Variants in IGDCC4 observed in about 807,000 individuals in gnomAD.
IGDCC4 encodes the protein immunoglobulin superfamily DCC subclass member 4.
Under a neutral mutation model 116.6 loss-of-function variants are expected in IGDCC4, and 72 were observed. The ratio of observed to expected loss-of-function variants is 0.62; its 90% CI spans 0.51 to 0.75. IGDCC4 has a LOEUF of 0.75. Ranked by LOEUF, IGDCC4 falls within the 30% of genes least tolerant of loss-of-function variation. The pLI, the probability that IGDCC4 is intolerant of heterozygous loss-of-function variation, is 0.00. For missense variants in IGDCC4, 1,501 were observed against 1,662.4 expected (o/e 0.90, Z 1.69); for synonymous variants, 709 against 719.9 (o/e 0.98, Z 0.24).
rs1273024660 is a variant in IGDCC4, at chr15:65,393,791, C to T, written c.1715-260G>A. On this transcript the variant is annotated intron_variant, in intron 9 of 19. Coordinates refer to ENST00000352385, the MANE Select transcript of IGDCC4 (RefSeq NM_020962.3). The surrounding 1 kb of genome is among the most constrained non-coding windows in gnomAD (Gnocchi z 4.6). ...TGATGGCAGGCTTTCCCCACTTCCCCAGGAGCTGTCAATGACCATCCCCTG... is the reference window on the plus strand; with the variant it reads ...TGATGGCAGGCTTTCCCCACTTCCCTAGGAGCTGTCAATGACCATCCCCTG... Among the ~76,000 whole-genome samples, 3 of 152,138 alleles carry T rather than the reference C, an allele frequency of 2.0e-5. No individual in the cohort carries two copies. The highest frequency in any genetic ancestry group is 7.2e-5 in the African/African-American group (3 of 41,432).
rs146873120 is a variant in IGDCC4 at position 65,414,605 on chromosome 15, A to G, written c.71-3235T>C. Among the ~76,000 whole-genome samples the G allele has an allele frequency of 2.4e-4, 36 of 152,350 alleles. No individual in the cohort carries two copies. The East Asian group carries it at 5.6e-3, about 24-fold the overall frequency. On this transcript the variant is annotated intron_variant, in intron 1 of 19. Transcript: ENST00000352385. ...ACAATGTATGTCAGGGCTACAGCCCAGAGCCTAATAGACATCACTCAAGGA... is the reference window on the plus strand; with the variant it reads ...ACAATGTATGTCAGGGCTACAGCCCGGAGCCTAATAGACATCACTCAAGGA...
rs2062890636 is a variant in IGDCC4 at position 65,393,733 on chromosome 15, A to G, written c.1715-202T>C. 6.6e-6 allele frequency among the ~76,000 whole-genome samples: 1 copy of G among 152,188 alleles called. No individual in the cohort carries two copies. On this transcript the variant is annotated intron_variant, in intron 9 of 19. Coordinates refer to ENST00000352385, the MANE Select transcript of IGDCC4 (RefSeq NM_020962.3). The surrounding 1 kb of genome is among the most constrained non-coding windows in gnomAD (Gnocchi z 4.6). ...TTGAGCCTCCAACTCTGGCTGATGC[A>G]GGCCATCAGCCTGGGCTCAGCTGCA...
At chr15:65,388,341 C>G in intron 16 of IGDCC4, 108 bp downstream of exon 16, 1 of 1,474,490 alleles carries the variant, frequency 6.8e-7, no homozygotes, top group Non-Finnish European at 9.3e-7. Context: ...TGCTCTGCCC[C>G]CACCAAACCT....
At chr15:65,392,057 T>C in intron 11 of IGDCC4, 76 bp from the exon 12 acceptor site, 1 of 1,545,814 alleles carries the variant, frequency 6.5e-7, no homozygotes, top group Non-Finnish European at 8.8e-7. Flanking sequence ...GCATCCCATC[T>C]CTAACTTCTT....
chr15:65,420,363 A>G (rs536649273), intron 1 of IGDCC4, among the ~76,000 whole-genome samples: 1 of 152,292 alleles, frequency 6.6e-6, no homozygotes, highest in Non-Finnish European at 1.5e-5. Flanking sequence ...CCCAACTGCC[A>G]CTATGCTAGC....
intron 3 of IGDCC4, among the ~76,000 whole-genome samples, chr15:65,402,697 G>T (rs537540420): frequency 2.0e-5 from 3 of 152,120 alleles, no homozygotes; most frequent in Non-Finnish European, 2.9e-5. Context: ...GAGAAACCCC[G>T]TCTCTACTAA....
intron 1 of IGDCC4, among the ~76,000 whole-genome samples, chr15:65,415,666 A>G (rs1385293541): frequency 6.6e-6 from 1 of 152,130 alleles, no homozygotes; most frequent in Non-Finnish European, 1.5e-5. Flanking sequence ...ATCTCTGTGG[A>G]AGACAGTCTG....
intron 6 of IGDCC4, 60 bp from the exon 7 acceptor site, chr15:65,396,223 C>A (rs751736774): frequency 5.9e-6 from 8 of 1,362,864 alleles, no homozygotes; most frequent in African/African-American, 1.5e-5. Flanking sequence ...TCTGCCCCCC[C>A]CCCAGTACCC....
Position 65,422,851 on chromosome 15 carries a change from C to G in IGDCC4, c.12G>C (p.Gly4=). The change falls in exon 1 of 20, where the codon GGG becomes GGC. Residue 4 remains glycine (G), a synonymous_variant. Coordinates refer to ENST00000352385, the MANE Select transcript of IGDCC4 (RefSeq NM_020962.3). The part of the protein sequence containing the change: MAR[G]DAGRGRGLLA... The stretch of plus-strand genomic sequence containing the variant: ...GGAGCCCGCGGCCGCGGCCGGCGTC[C>G]CCCCGCGCCATGGGGCTGGGCTCGG... 8.4e-7 allele frequency: 1 copy of G among 1,193,382 alleles called. No individual in the cohort carries two copies. Among genetic ancestry groups the G allele is most frequent in the South Asian group, 3.2e-5 (1 of 31,518 alleles). 73.9% of individuals were successfully genotyped at this position (1,193,382 alleles called of 1,614,324 possible).
chr15:65,392,470 G>A (rs1595779607), intron 10 of IGDCC4, 100 bp from the exon 11 acceptor site: 1 of 917,752 alleles, frequency 1.1e-6, no homozygotes, highest in Non-Finnish European at 1.6e-6. Flanking sequence ...ATGAGGAAGA[G>A]ACAGGAAGAT....
In IGDCC4 at chr15:65,392,269, G is replaced by A. The variant is rs761474246; in HGVS notation, c.1987C>T (p.Leu663=). 18 of 1,609,672 alleles carry A rather than the reference G, an allele frequency of 1.1e-5. No individual in the cohort carries two copies. The highest frequency in any genetic ancestry group is 3.4e-5 in the Admixed American group (2 of 59,244). The change falls in exon 11 of 20, where the codon CTA becomes TTA. Residue 663 remains leucine (L), a synonymous_variant. Transcript: ENST00000352385. ...TCAGCCCCCACCTCCCGCCAATATA[G>A]TTTGTAGCCAGAGATCTGGGTGGGG... is the stretch of plus-strand genomic sequence containing the variant. ...PHPTQISGYK[L]YWREVGAEEE...
chr15:65,406,183 C>T (rs1274987963), intron 3 of IGDCC4, among the ~76,000 whole-genome samples: 1 of 152,210 alleles, frequency 6.6e-6, no homozygotes, highest in Non-Finnish European at 1.5e-5. Context: ...CTAGAAGTTA[C>T]ATTATTTATT....
chr15:65,382,349 A>G lies in IGDCC4; in HGVS notation c.*1660T>C, dbSNP rs1334410333. Reference sequence around the variant, plus strand: ...TGAGTGACACCCGAGTATAATAAACACAGATGCTTTCAGGGTTTGAGGAAG... The same window carrying G: ...TGAGTGACACCCGAGTATAATAAACGCAGATGCTTTCAGGGTTTGAGGAAG... On this transcript the variant is annotated 3_prime_UTR_variant, in exon 20 of 20. Transcript: ENST00000352385. 2 of 151,938 alleles carry G rather than the reference A, an allele frequency of 1.3e-5. No homozygotes were observed. Among genetic ancestry groups the G allele is most frequent in the African/African-American group, 2.4e-5 (1 of 41,230 alleles). 9.4% of individuals were successfully genotyped at this position (151,938 alleles called of 1,614,324 possible).
chr15:65,422,519 AACACACACACACAC>A (rs140587709), intron 1 of IGDCC4, among the ~76,000 whole-genome samples: 34 of 131,226 alleles, frequency 2.6e-4, no homozygotes, highest in African/African-American at 9.3e-4. Context: ...GAGCACTCCC[AACACACACACACAC>A]ACACACACAC....
chr15:65,398,336 C>A (rs1475453838), intron 5 of IGDCC4, among the ~76,000 whole-genome samples: 3 of 149,250 alleles, frequency 2.0e-5, no homozygotes, highest in Non-Finnish European at 4.5e-5. Flanking sequence ...GAGTTCGAAA[C>A]CAGACTGGCT....
At position 65,416,236 on chromosome 15, in the gene IGDCC4, C is replaced by T. The variant is rs557555922; in HGVS notation, c.71-4866G>A. ...CACTGCAAGCTCCGCCTCCCGGGTT[C>T]GAGACATTCTCCTGCCTCAGCCTCC... On this transcript the variant is annotated intron_variant, in intron 1 of 19. Coordinates refer to ENST00000352385, the MANE Select transcript of IGDCC4 (RefSeq NM_020962.3). Among the ~76,000 whole-genome samples, 13 of 136,454 alleles carry T rather than the reference C, an allele frequency of 9.5e-5. No homozygotes were observed. The South Asian group carries it at 1.9e-3, about 20-fold the overall frequency. The allele number at this position is 136,454 out of a possible 152,430, so 89.5% of individuals were successfully genotyped here.
Position 65,411,249 on chromosome 15 carries a change from A to AGCG in IGDCC4, c.189_191dup (p.Ala64dup), listed in dbSNP as rs747749002. 111 of 1,614,112 alleles carry AGCG rather than the reference A, an allele frequency of 6.9e-5. No homozygotes were observed. The highest frequency in any genetic ancestry group is 1.2e-4 in the South Asian group (11 of 91,076). On this transcript the variant is annotated inframe_insertion, in exon 2 of 20. Transcript: ENST00000352385. ...TCCAGGTCACCCTGGTGGGGGGTCC[A>AGCG]GCGGCAGCAGCCCCCAGGCTACAGT...
intron 5 of IGDCC4, among the ~76,000 whole-genome samples, chr15:65,400,018 C>A (rs2062969409): frequency 6.6e-6 from 1 of 152,206 alleles, no homozygotes; most frequent in South Asian, 2.1e-4. Context: ...GGTCCCAGCT[C>A]TTCCACTGCC....
chr15:65,390,232 T>G lies in IGDCC4; in HGVS notation c.2331A>C (p.Thr777=). Reference sequence around the variant, plus strand: ...GCACAGTGTAGTTGACAATCTTGACTGTGGTGAAATCTGGCTTTTTCCACC... The same window carrying G: ...GCACAGTGTAGTTGACAATCTTGACGGTGGTGAAATCTGGCTTTTTCCACC... ...WLRWKKPDFT[T]VKIVNYTVRF... is the part of the protein sequence containing the mutation. The change falls in exon 13 of 20, where the codon ACA becomes ACC. Residue 777 remains threonine (T), a synonymous_variant. Coordinates refer to ENST00000352385, the MANE Select transcript of IGDCC4 (RefSeq NM_020962.3). 1 of 1,613,502 alleles carries G rather than the reference T, an allele frequency of 6.2e-7. No homozygotes were observed. Among genetic ancestry groups the G allele is most frequent in the Non-Finnish European group, 8.5e-7 (1 of 1,179,514 alleles).
Sources: gnomAD v4.1 joint callset for allele counts (sites outside exome capture counted in the v4.1 genomes callset) on GRCh38, gnomAD v4.1.1 for gene constraint, Gnocchi (gnomAD v3.1) non-coding constraint, MANE v1.5 for transcripts, NCBI Gene and HGNC (gene_info 2026-07-23, HGNC 2026-07-21) for gene names.